AKAP10: variants seen among roughly 807,000 people sequenced by gnomAD.
AKAP10 encodes A-kinase anchoring protein 10, also known as A-kinase anchor protein 10, mitochondrial.
AKAP10 carries 24 observed loss-of-function variants against 80.8 expected under a neutral mutation model. The ratio of observed to expected loss-of-function variants is 0.30; its 90% CI spans 0.22 to 0.42. The LOEUF (loss-of-function observed/expected upper bound fraction) is 0.42, where lower values mean the gene tolerates loss of function less well. AKAP10 is among the 10% of genes least tolerant of loss of function. The probability of loss-of-function intolerance (pLI) is 1.00; values close to 1 mark genes in which losing one functional copy is unlikely to be tolerated. For missense variants in AKAP10, 661 were observed against 794.9 expected, an observed-to-expected ratio of 0.83 and a Z score of 2.03; for synonymous variants, 291 against 277.7, an observed-to-expected ratio of 1.05 and a Z score of -0.48.
chr17:19,922,814 C>T (rs899549271), intron 11 of AKAP10, among the ~76,000 whole-genome samples: 21 of 152,108 alleles, frequency 1.4e-4, no homozygotes, highest in Admixed American at 2.6e-4. Context: ...GCAGAAGAAA[C>T]GCTTGAACCT....
At chr17:19,949,494 G>A (rs1476109085) in intron 4 of AKAP10, among the ~76,000 whole-genome samples, 2 of 152,100 alleles carry the variant, frequency 1.3e-5, no homozygotes, top group Non-Finnish European at 2.9e-5. Context: ...AGACTTAGCC[G>A]GGCGCGGTGG....
intron 12 of AKAP10, among the ~76,000 whole-genome samples, chr17:19,911,622 T>C (rs2042690432): frequency 6.6e-6 from 1 of 151,810 alleles, no homozygotes; most frequent in East Asian, 1.9e-4. Flanking sequence ...GAGGATCACC[T>C]GAGGTCAGGA....
chr17:19,970,717 G>A (rs1444782308), intron 1 of AKAP10, among the ~76,000 whole-genome samples: 2 of 152,054 alleles, frequency 1.3e-5, no homozygotes, highest in Non-Finnish European at 2.9e-5. Flanking sequence ...CAGCTACTTA[G>A]AAGGCTGAGG....
intron 12 of AKAP10, among the ~76,000 whole-genome samples, chr17:19,914,628 C>CAAAAAAAAAA (rs36071856): frequency 3.4e-5 from 2 of 58,488 alleles, no homozygotes; most frequent in Admixed American, 2.3e-4. Context: ...GACCCTATCT[C>CAAAAAAAAAA]AAAAAAAAAA....
At chr17:19,957,114 A>T (rs1346984777) in intron 4 of AKAP10, among the ~76,000 whole-genome samples, 1 of 152,142 alleles carries the variant, frequency 6.6e-6, no homozygotes, top group Non-Finnish European at 1.5e-5. Context: ...GATAATTAAG[A>T]GTATATAATT....
chr17:19,943,989 T>G (rs574800174), intron 5 of AKAP10, among the ~76,000 whole-genome samples: 11 of 124,864 alleles, frequency 8.8e-5, no homozygotes, highest in Admixed American at 6.6e-4. Flanking sequence ...AGAAACTGAG[T>G]TTTTTTTTTT....
At chr17:19,911,865 A>G (rs2042694159) in intron 12 of AKAP10, among the ~76,000 whole-genome samples, 1 of 144,232 alleles carries the variant, frequency 6.9e-6, no homozygotes, top group East Asian at 2.0e-4. Flanking sequence ...AAAAAAAAAA[A>G]AAAAGAAATC....
chr17:19,917,267 G>GA lies in AKAP10; in HGVS notation c.1834+2768dup, dbSNP rs888503916. ...CCGACAGAGAGAGACTCCATCTCAGGAAAAAAAAACAAAACAAACAAACAA... is the reference window on the plus strand; with the variant it reads ...CCGACAGAGAGAGACTCCATCTCAGGAAAAAAAAAACAAAACAAACAAACAA... On this transcript the variant is annotated intron_variant, in intron 12 of 14. Transcript: ENST00000225737. Among the ~76,000 whole-genome samples, 43 of 146,090 alleles carry GA rather than the reference G, an allele frequency of 2.9e-4. No individual in the cohort carries two copies. The East Asian group carries it at 5.8e-3, about 20-fold the overall frequency.
chr17:19,948,983 C>G (rs2043167884), intron 4 of AKAP10, among the ~76,000 whole-genome samples: 1 of 152,114 alleles, frequency 6.6e-6, no homozygotes, highest in Non-Finnish European at 1.5e-5. Flanking sequence ...AGGATTTAAA[C>G]AAGATTCAGA....
intron 14 of AKAP10, among the ~76,000 whole-genome samples, chr17:19,906,724 A>G (rs2042635098): frequency 6.6e-6 from 1 of 152,212 alleles, no homozygotes; most frequent in East Asian, 1.9e-4. Context: ...GGTGTGAGGT[A>G]GTTTATGCTG....
chr17:19,912,976 TCTTTC>T (rs1183737454), intron 12 of AKAP10, among the ~76,000 whole-genome samples: 1 of 151,076 alleles, frequency 6.6e-6, no homozygotes, highest in Non-Finnish European at 1.5e-5. Flanking sequence ...TCAATTTCTT[TCTTTC>T]TTTTTTTTTT....
chr17:19,924,828 A>C (rs964365581), intron 10 of AKAP10, among the ~76,000 whole-genome samples: 1 of 151,830 alleles, frequency 6.6e-6, no homozygotes, highest in Non-Finnish European at 1.5e-5. Flanking sequence ...GACTCCTCCC[A>C]CCTCAGTCTC....
At chr17:19,943,783 C>T (rs891145810) in intron 5 of AKAP10, among the ~76,000 whole-genome samples, 3 of 152,182 alleles carry the variant, frequency 2.0e-5, no homozygotes, top group African/African-American at 7.2e-5. Context: ...GAAGTGGAGG[C>T]AGTCTTGTGG....
intron 4 of AKAP10, among the ~76,000 whole-genome samples, chr17:19,952,880 G>A (rs1251513899): frequency 2.0e-5 from 3 of 152,062 alleles, no homozygotes; most frequent in Non-Finnish European, 4.4e-5. Flanking sequence ...TGCATACAAA[G>A]TATCAGCAAG....
At chr17:19,942,384 C>G (rs1307084264) in intron 5 of AKAP10, among the ~76,000 whole-genome samples, 1 of 152,012 alleles carries the variant, frequency 6.6e-6, no homozygotes, top group African/African-American at 2.4e-5. Flanking sequence ...AGGCACTACA[C>G]CTTTTATCTA....
At chr17:19,933,943 C>T (rs187490089) in intron 9 of AKAP10, among the ~76,000 whole-genome samples, 8 of 152,078 alleles carry the variant, frequency 5.3e-5, no homozygotes, top group Admixed American at 1.3e-4. Context: ...ATTTTTGAGA[C>T]GGAGTTTTGC....
chr17:19,907,653 C>A (rs2042645671), intron 14 of AKAP10, among the ~76,000 whole-genome samples: 1 of 152,066 alleles, frequency 6.6e-6, no homozygotes, highest in South Asian at 2.1e-4. Context: ...CTCCTACCCA[C>A]CTTGGCCTCC....
chr17:19,912,855 C>T (rs1216058163), intron 12 of AKAP10, among the ~76,000 whole-genome samples: 5 of 152,080 alleles, frequency 3.3e-5, no homozygotes, highest in Non-Finnish European at 7.3e-5. Flanking sequence ...GAAGGGGAGC[C>T]GAACTGTAAA....
In AKAP10 at chr17:19,939,693, C is replaced by T. The variant is rs766122385; in HGVS notation, c.1322+20G>A. 1.9e-6 allele frequency: 3 copies of T among 1,608,288 alleles called. No homozygotes were observed. Among genetic ancestry groups the T allele is most frequent in the East Asian group, 4.5e-5 (2 of 44,722 alleles). On this transcript the variant is annotated intron_variant, in intron 8 of 14. Transcript: ENST00000225737. ...ATGTTCAATAAGTATCTGCTGAATC[C>T]ATCTATCAATATAACTCACTTGTCA...
Sources: allele counts gnomAD v4.1 joint callset (sites outside exome capture counted in the v4.1 genomes callset), GRCh38; gene constraint gnomAD v4.1.1; transcripts MANE v1.5; gene names NCBI Gene and HGNC (gene_info 2026-07-23, HGNC 2026-07-21).